LYRM4: variants seen among roughly 807,000 people sequenced by gnomAD.
The protein encoded by LYRM4 is LYR motif containing 4.
In LYRM4, 9 loss-of-function variants were observed where a neutral mutation model predicts 11.7. That is an observed-to-expected ratio of 0.77 (90% confidence interval 0.46 to 1.34). The LOEUF is 1.34. Ranked by LOEUF, LYRM4 falls within the 40% of genes most tolerant of loss-of-function variation. LYRM4 has a pLI of 0.00. For synonymous variants in LYRM4, 42 were observed against 40.4 expected, an observed-to-expected ratio of 1.04 and a Z score of -0.15; for missense variants, 133 against 112.5, an observed-to-expected ratio of 1.18 and a Z score of -0.82.
At chr6:5,095,016 C>T in the LYRM4 span, among the ~76,000 whole-genome samples, 1 of 152,074 alleles carries the variant, frequency 6.6e-6, no homozygotes, top group Non-Finnish European at 1.5e-5. Context: ...GATAATCGTT[C>T]GAGATGATGG....
the LYRM4 span, among the ~76,000 whole-genome samples, chr6:5,054,889 T>A: frequency 6.6e-6 from 1 of 152,218 alleles, no homozygotes; most frequent in African/African-American, 2.4e-5. Flanking sequence ...CCAAAATATA[T>A]TCCCTTGACA....
intron 2 of LYRM4, among the ~76,000 whole-genome samples, chr6:5,110,612 G>A (rs1253938904): frequency 1.3e-5 from 2 of 152,190 alleles, no homozygotes; most frequent in Non-Finnish European, 1.5e-5. Flanking sequence ...CATCTAAGAA[G>A]AACGAGAAGT....
At chr6:5,089,726 C>T in the LYRM4 span, among the ~76,000 whole-genome samples, 1 of 152,204 alleles carries the variant, frequency 6.6e-6, no homozygotes, top group Non-Finnish European at 1.5e-5. Flanking sequence ...TCCTCCCAGT[C>T]TCAGAGACTA....
chr6:5,248,403 C>T (rs1239122079), intron 1 of LYRM4, among the ~76,000 whole-genome samples: 2 of 152,250 alleles, frequency 1.3e-5, no homozygotes, highest in South Asian at 2.1e-4. Flanking sequence ...AAAGGAGAGT[C>T]TGCAATCTGC....
intron 2 of LYRM4, among the ~76,000 whole-genome samples, chr6:5,188,858 G>T (rs1760578158): frequency 6.6e-6 from 1 of 152,236 alleles, no homozygotes; most frequent in Non-Finnish European, 1.5e-5. Context: ...TGACCTTTGG[G>T]GCTCAAGGAA....
chr6:5,118,121 T>TTTG lies in LYRM4; in HGVS notation c.208-8631_208-8630insCAA, dbSNP rs1261776303. ...TTTTGTTTTGTTTTGTTTTGTTTTT[T>TTTG]TTTTTGAGACAGAGTCTCACTCTGT... On this transcript the variant is annotated intron_variant, in intron 2 of 2. Coordinates refer to ENST00000330636, the MANE Select transcript of LYRM4 (RefSeq NM_020408.6). Among the ~76,000 whole-genome samples, 277 of 142,308 alleles carry TTTG rather than the reference T, an allele frequency of 1.9e-3. 3 individuals carry two copies. The East Asian group carries it at 0.03, about 15-fold the overall frequency. The allele number at this position is 142,308 out of a possible 152,430, so 93.4% of individuals were successfully genotyped here.
intron 2 of LYRM4, among the ~76,000 whole-genome samples, chr6:5,197,666 G>A (rs563841386): frequency 2.0e-5 from 3 of 152,028 alleles, no homozygotes; most frequent in Non-Finnish European, 2.9e-5. Flanking sequence ...AGAGTGAGAC[G>A]CTGCCTCAAA....
At chr6:5,055,511 A>G in the LYRM4 span, among the ~76,000 whole-genome samples, 1 of 152,220 alleles carries the variant, frequency 6.6e-6, no homozygotes, top group Non-Finnish European at 1.5e-5. This position sits in a 1 kb window ranked among gnomAD's most constrained non-coding sequence, Gnocchi z 4.5. Flanking sequence ...TGTGATTATT[A>G]CATTGCCTGG....
chr6:5,245,283 A>G (rs2127762735), intron 1 of LYRM4, among the ~76,000 whole-genome samples: 1 of 151,048 alleles, frequency 6.6e-6, no homozygotes, highest in Middle Eastern at 3.4e-3. Flanking sequence ...AAGGAAGGAC[A>G]AGGAAGTGAG....
intron 2 of LYRM4, chr6:5,137,002 C>T (rs1757134429): frequency 3.6e-6 from 1 of 275,652 alleles, no homozygotes; most frequent in South Asian, 1.4e-4. Flanking sequence ...AATGTCCCAT[C>T]CTCTCTAGCC....
At chr6:5,100,493 C>T (rs1219786604), downstream of LYRM4, among the ~76,000 whole-genome samples, 4 of 152,154 alleles carry the variant, frequency 2.6e-5, no homozygotes, top group East Asian at 1.9e-4. Context: ...CAGACAGAAA[C>T]AGCAGCTCTC....
the LYRM4 span, chr6:5,085,167 A>C: frequency 2.2e-5 from 8 of 369,848 alleles, no homozygotes; most frequent in East Asian, 5.1e-5. Flanking sequence ...GCACTCGGGA[A>C]CACGGCTTCC....
At chr6:5,182,507 A>C (rs145359442) in intron 2 of LYRM4, among the ~76,000 whole-genome samples, 3 of 152,356 alleles carry the variant, frequency 2.0e-5, no homozygotes, top group Admixed American at 2.0e-4. Context: ...AAAATTAATA[A>C]ATTGATCATT....
At chr6:5,145,876 C>T (rs1326632316) in intron 2 of LYRM4, among the ~76,000 whole-genome samples, 1 of 152,124 alleles carries the variant, frequency 6.6e-6, no homozygotes, top group Non-Finnish European at 1.5e-5. Context: ...CTCTAGAGTT[C>T]CTGCATTCCA....
chr6:5,119,322 A>C (rs1350428626), intron 2 of LYRM4, among the ~76,000 whole-genome samples: 2 of 152,148 alleles, frequency 1.3e-5, no homozygotes, highest in African/African-American at 4.8e-5. Flanking sequence ...TGCACTCTTC[A>C]TCAGCATGCC....
chr6:5,118,094 A>ATATTTT, intron 2 of LYRM4, among the ~76,000 whole-genome samples: 11 of 86,132 alleles, frequency 1.3e-4, no homozygotes, highest in African/African-American at 3.5e-4. Flanking sequence ...ATATATATAT[A>ATATTTT]TTTTTGTTTT....
At chr6:5,145,940 C>G (rs1241296273) in intron 2 of LYRM4, among the ~76,000 whole-genome samples, 2 of 152,194 alleles carry the variant, frequency 1.3e-5, no homozygotes, top group Admixed American at 1.3e-4. Context: ...GTCAAATGAT[C>G]TCTTGCTTGG....
chr6:5,258,642 G>GATT (rs1265898280), intron 1 of LYRM4, among the ~76,000 whole-genome samples: 2 of 152,296 alleles, frequency 1.3e-5, no homozygotes, highest in East Asian at 3.9e-4. Context: ...TATCTAGGGA[G>GATT]GTAATAGCAG....
the LYRM4 span, chr6:5,086,135 G>T: frequency 6.7e-7 from 1 of 1,485,786 alleles, no homozygotes; most frequent in South Asian, 1.3e-5. Context: ...CAGCGGCAGC[G>T]CGTGTGCCTG....
Sources: allele counts gnomAD v4.1 joint callset (sites outside exome capture counted in the v4.1 genomes callset), GRCh38; gene constraint gnomAD v4.1.1; non-coding constraint Gnocchi (gnomAD v3.1); transcripts MANE v1.5; gene names NCBI Gene and HGNC (gene_info 2026-07-23, HGNC 2026-07-21).